Variants in CNR2 observed in about 807,000 individuals in gnomAD.
The protein encoded by CNR2 is cannabinoid receptor 2 (macrophage).
For synonymous variants in CNR2, 172 were observed against 182.2 expected (o/e 0.94, Z 0.45); for missense variants, 379 against 439.9 (o/e 0.86, Z 1.24).
At chr1:23,897,750 A>C (rs1187964031) in intron 1 of CNR2, among the ~76,000 whole-genome samples, 1 of 151,818 alleles carries the variant, frequency 6.6e-6, no homozygotes, top group African/African-American at 2.4e-5. Flanking sequence ...ATGAGCCACC[A>C]CGCCCGCCCT....
chr1:23,900,066 C>T (rs576894947), intron 1 of CNR2, among the ~76,000 whole-genome samples: 15 of 151,204 alleles, frequency 9.9e-5, no homozygotes, highest in African/African-American at 3.6e-4. Context: ...CTAAACTGCT[C>T]CTGCGATCAG....
intron 1 of CNR2, among the ~76,000 whole-genome samples, chr1:23,905,189 T>C (rs1005947254): frequency 6.8e-6 from 1 of 148,016 alleles, no homozygotes; most frequent in Non-Finnish European, 1.5e-5. Flanking sequence ...TTCTTTTCTT[T>C]CTTTTTTTTT....
intron 1 of CNR2, among the ~76,000 whole-genome samples, chr1:23,884,400 G>T (rs1279534609): frequency 4.2e-5 from 1 of 23,650 alleles, no homozygotes; most frequent in African/African-American, 1.6e-4. Context: ...CTGCCTCCTG[G>T]GTTCAACCGA....
intron 1 of CNR2, among the ~76,000 whole-genome samples, chr1:23,879,703 G>A (rs1206466684): frequency 1.3e-5 from 2 of 152,040 alleles, no homozygotes; most frequent in South Asian, 2.1e-4. Flanking sequence ...CTTTATCTAG[G>A]AAGTGGGTAA....
intron 1 of CNR2, among the ~76,000 whole-genome samples, chr1:23,890,073 C>T (rs1640158248): frequency 1.3e-5 from 2 of 151,624 alleles, no homozygotes; most frequent in Admixed American, 1.3e-4. Context: ...AATAGCCTGG[C>T]CAACATGGTA....
chr1:23,901,905 G>A, intron 1 of CNR2: 2 of 1,606,402 alleles, frequency 1.2e-6, no homozygotes, highest in East Asian at 2.2e-5. Context: ...GCAGAAGACT[G>A]GAATAGGTGG....
chr1:23,908,448 A>C (rs1047211876), intron 1 of CNR2, among the ~76,000 whole-genome samples: 5 of 152,190 alleles, frequency 3.3e-5, no homozygotes, highest in Non-Finnish European at 5.9e-5. Context: ...TCCTAGGAAG[A>C]TCTCACATTG....
rs1193085275 is a variant in CNR2, at chr1:23,872,676, A to G, written c.*1859T>C. On this transcript the variant is annotated 3_prime_UTR_variant, in exon 2 of 2. Coordinates refer to ENST00000374472, the MANE Select transcript of CNR2 (RefSeq NM_001841.3). ...TTGCCACATCTGTAAAATGAAGATA[A>G]CTAAGACCTTCTTATTAGGTTGTTG... is the stretch of plus-strand genomic sequence containing the variant. 1 of 152,124 alleles carries G rather than the reference A, an allele frequency of 6.6e-6. No homozygotes were observed. Among genetic ancestry groups the G allele is most frequent in the African/African-American group, 2.4e-5 (1 of 41,426 alleles). 9.4% of individuals were successfully genotyped at this position (152,124 alleles called of 1,614,324 possible). A position where few individuals can be genotyped will look rare whatever the true frequency, so the allele number is the denominator to read the frequency against.
rs549978956 is a variant in CNR2, at chr1:23,872,553, A to C, written c.*1982T>G. 5.9e-5 allele frequency: 9 copies of C among 152,230 alleles called. No individual in the cohort carries two copies. The South Asian group carries it at 1.9e-3, about 32-fold the overall frequency. The allele number at this position is 152,230 out of a possible 1,614,324, so 9.4% of individuals were successfully genotyped here. A position where few individuals can be genotyped will look rare whatever the true frequency, so the allele number is the denominator to read the frequency against. On this transcript the variant is annotated 3_prime_UTR_variant, in exon 2 of 2. Transcript: ENST00000374472. Reference sequence around the variant, plus strand: ...GAACTAGGACAAAAGGTTAGTGGTTAAGAGGGCAGGCTTTGAAGTCAAACA... The same window carrying C: ...GAACTAGGACAAAAGGTTAGTGGTTCAGAGGGCAGGCTTTGAAGTCAAACA...
chr1:23,885,902 G>T (rs571504281), intron 1 of CNR2, among the ~76,000 whole-genome samples: 1 of 114,596 alleles, frequency 8.7e-6, no homozygotes, highest in Non-Finnish European at 1.9e-5. Flanking sequence ...GTGGCGGCGG[G>T]GGGGTGGCCA....
rs1291378690 is a variant in CNR2 at position 23,874,804 on chromosome 1, T to A, written c.814A>T (p.Thr272Ser). 5 of 1,613,952 alleles carry A rather than the reference T, an allele frequency of 3.1e-6. No individual in the cohort carries two copies. Among genetic ancestry groups the A allele is most frequent in the Non-Finnish European group, 4.2e-6 (5 of 1,179,990 alleles). Residue 272 changes from threonine (T) to serine (S), a missense_variant, in exon 2 of 2, where the codon ACG becomes TCG. Thr to Ser is a moderately conservative substitution (Grantham distance 58). Transcript: ENST00000374472. Reference protein sequence around the residue: ...LALMAHSLATTLSDQVKKAFA... With the variant: ...LALMAHSLATSLSDQVKKAFA... ...GCCTTCTTGACCTGGTCACTGAGCG[T>A]AGTGGCCAGGCTGTGGGCCATGAGG...
At chr1:23,901,771 G>T (rs1026653833) in intron 1 of CNR2, 3 of 1,477,696 alleles carry the variant, frequency 2.0e-6, no homozygotes, top group African/African-American at 1.4e-5. Context: ...CAATCTTCAC[G>T]CTGTACTCAG....
chr1:23,874,433 TG>T lies in CNR2; in HGVS notation c.*101del. ...AAAAAGGGGTCCGTGTCTAGGTGTC[TG>T]GGACTGGTTTAAGTAAGAAGAGAGT... On this transcript the variant is annotated 3_prime_UTR_variant, in exon 2 of 2. Coordinates refer to ENST00000374472, the MANE Select transcript of CNR2 (RefSeq NM_001841.3). 1 of 1,321,182 alleles carries T rather than the reference TG, an allele frequency of 7.6e-7. No individual in the cohort carries two copies. The highest frequency in any genetic ancestry group is 1.0e-6 in the Non-Finnish European group (1 of 965,520). 81.8% of individuals were successfully genotyped at this position (1,321,182 alleles called of 1,614,324 possible). A position where few individuals can be genotyped will look rare whatever the true frequency, so the allele number is the denominator to read the frequency against.
intron 1 of CNR2, among the ~76,000 whole-genome samples, chr1:23,877,566 C>T (rs1171612708): frequency 1.3e-5 from 2 of 151,670 alleles, no homozygotes; most frequent in Non-Finnish European, 1.5e-5. Context: ...ACCCGGGAGG[C>T]GGAGCTTGCA....
chr1:23,886,249 T>C (rs911893001), intron 1 of CNR2, among the ~76,000 whole-genome samples: 4 of 151,620 alleles, frequency 2.6e-5, no homozygotes, highest in African/African-American at 9.7e-5. Flanking sequence ...TAAATGTCAG[T>C]TCTTATTACA....
chr1:23,891,752 G>A (rs1288530511), intron 1 of CNR2, among the ~76,000 whole-genome samples: 1 of 151,958 alleles, frequency 6.6e-6, no homozygotes, highest in East Asian at 1.9e-4. Flanking sequence ...TGTCTACCTT[G>A]TATTATATGT....
intron 1 of CNR2, among the ~76,000 whole-genome samples, chr1:23,897,106 C>T (rs187976614): frequency 2.6e-5 from 4 of 152,008 alleles, no homozygotes; most frequent in East Asian, 1.9e-4. Flanking sequence ...AACTCCTGAC[C>T]TCAGGTGATC....
At chr1:23,890,258 C>CAA (rs35692845) in intron 1 of CNR2, among the ~76,000 whole-genome samples, 11,084 of 74,940 alleles carry the variant, frequency 0.15, 1,261 homozygotes, top group East Asian at 0.32. Flanking sequence ...GACCTTGTCT[C>CAA]AAAAAAAAAA....
intron 1 of CNR2, among the ~76,000 whole-genome samples, chr1:23,877,539 G>A (rs893833214): frequency 6.6e-6 from 1 of 152,130 alleles, no homozygotes; most frequent in Non-Finnish European, 1.5e-5. Context: ...GGAGGCTGAG[G>A]CAGGAGAATG....
Sources: allele counts gnomAD v4.1 joint callset (sites outside exome capture counted in the v4.1 genomes callset), GRCh38; gene constraint gnomAD v4.1.1; transcripts MANE v1.5; gene names NCBI Gene and HGNC (gene_info 2026-07-23, HGNC 2026-07-21).